PARVB: variants seen among roughly 807,000 people sequenced by gnomAD.
PARVB encodes parvin beta, also known as beta-parvin.
PARVB carries 46 observed loss-of-function variants against 47.0 expected under a neutral mutation model. The observed-to-expected ratio is 0.98, with a 90% CI of 0.77 to 1.25. The LOEUF is 1.25. Among genes scored for constraint, PARVB ranks in the 50% most tolerant of loss-of-function variants. The pLI, the probability that PARVB is intolerant of heterozygous loss-of-function variation, is 0.00. For synonymous variants in PARVB, 196 were observed against 196.3 expected (o/e 1.00, Z 0.01); for missense variants, 473 against 471.6 (o/e 1.00, Z -0.03).
intron 3 of PARVB, chr22:44,112,259 G>C (rs985719435): frequency 6.6e-6 from 1 of 152,214 alleles, no homozygotes; most frequent in Non-Finnish European, 1.5e-5. Flanking sequence ...GTTGGCTTGG[G>C]GTCCGTGGCT....
chr22:44,029,264 C>T (rs533773978), intron 1 of PARVB, among the ~76,000 whole-genome samples: 9 of 152,258 alleles, frequency 5.9e-5, no homozygotes, highest in African/African-American at 1.7e-4. Flanking sequence ...GGATTACATG[C>T]GTGAGCCACA....
chr22:44,128,393 G>T (rs1254832886), intron 4 of PARVB, among the ~76,000 whole-genome samples: 1 of 152,240 alleles, frequency 6.6e-6, no homozygotes, highest in South Asian at 2.1e-4. Flanking sequence ...GTGCTAGGAA[G>T]ATAGGGGTCC....
In PARVB at chr22:44,155,583, T is replaced by C. The variant is rs1034472611; in HGVS notation, c.844-2399T>C. ...CCACCCCAGACCTCCTGGGGAGAGG[T>C]GTGGGTTGGTGCCTTCATTCACGTG... On this transcript the variant is annotated intron_variant, in intron 10 of 12. Coordinates refer to ENST00000338758, the MANE Select transcript of PARVB (RefSeq NM_013327.5). The surrounding 1 kb of genome is among the most constrained non-coding windows in gnomAD (Gnocchi z 4.8). Among the ~76,000 whole-genome samples the C allele has an allele frequency of 2.6e-5, 4 of 151,306 alleles. No homozygotes were observed. Among genetic ancestry groups the C allele is most frequent in the African/African-American group, 9.7e-5 (4 of 41,158 alleles).
chr22:44,024,244 C>A (rs1402768732), upstream of PARVB: 21 of 511,698 alleles, frequency 4.1e-5, no homozygotes, highest in Non-Finnish European at 4.8e-5. Context: ...GGGACCGGGG[C>A]GGGGGCCGGC....
At chr22:44,026,089 C>A (rs974550076) in intron 1 of PARVB, among the ~76,000 whole-genome samples, 4 of 152,178 alleles carry the variant, frequency 2.6e-5, no homozygotes, top group African/African-American at 9.7e-5. Flanking sequence ...GGCAAGGAAC[C>A]GGAATGTTCT....
intron 1 of PARVB, among the ~76,000 whole-genome samples, chr22:44,058,775 G>A (rs775390470): frequency 4.0e-5 from 6 of 151,860 alleles, no homozygotes; most frequent in Admixed American, 1.3e-4. Context: ...GGGTGGTCTT[G>A]AACCCCTGAG....
intron 4 of PARVB, among the ~76,000 whole-genome samples, chr22:44,124,507 C>T (rs1284802470): frequency 6.6e-6 from 1 of 152,108 alleles, no homozygotes; most frequent in Admixed American, 6.5e-5. Flanking sequence ...CCTGGAGGGT[C>T]ACTCCCACAG....
intron 1 of PARVB, among the ~76,000 whole-genome samples, chr22:44,030,535 G>T (rs6006626): frequency 0.013 from 1,921 of 152,248 alleles, 27 homozygotes; most frequent in African/African-American, 0.031. Context: ...CTTGGCAGGG[G>T]TGGCCGATTT....
upstream of PARVB, among the ~76,000 whole-genome samples, chr22:44,021,243 G>A (rs114494155): frequency 0.011 from 1,641 of 152,318 alleles, 32 homozygotes; most frequent in African/African-American, 0.038. Context: ...CCTCCTGGGC[G>A]GGAGGCTGGA....
At chr22:44,116,929 G>A (rs573113400) in intron 3 of PARVB, among the ~76,000 whole-genome samples, 3 of 152,278 alleles carry the variant, frequency 2.0e-5, no homozygotes, top group East Asian at 1.9e-4. Context: ...GGCTGTGGCT[G>A]TGGCCCAGGG....
chr22:44,152,730 G>T (rs1006978259), intron 10 of PARVB: 3 of 152,160 alleles, frequency 2.0e-5, no homozygotes, highest in African/African-American at 7.2e-5. Context: ...CACTCCGAGA[G>T]CATTAAAGAC....
intron 8 of PARVB, chr22:44,140,671 T>C: frequency 2.0e-6 from 1 of 501,174 alleles, no homozygotes; most frequent in South Asian, 1.4e-5. Context: ...TCCTCATCCG[T>C]GAAATGGGAG....
chr22:44,087,404 C>A (rs1260711160), intron 1 of PARVB, among the ~76,000 whole-genome samples: 1 of 152,214 alleles, frequency 6.6e-6, no homozygotes, highest in African/African-American at 2.4e-5. Flanking sequence ...CTCCATTGGG[C>A]CTTTGTGTCT....
intron 1 of PARVB, among the ~76,000 whole-genome samples, chr22:44,055,160 G>A (rs920519507): frequency 3.3e-5 from 5 of 151,958 alleles, no homozygotes; most frequent in African/African-American, 9.7e-5. Context: ...AAGTACCCAC[G>A]TTCCTGCTAT....
At chr22:44,157,314 C>G (rs2053957250) in intron 10 of PARVB, among the ~76,000 whole-genome samples, 1 of 152,210 alleles carries the variant, frequency 6.6e-6, no homozygotes, top group Non-Finnish European at 1.5e-5. Context: ...CTCGCTGTGT[C>G]TTCACGACAG....
intron 11 of PARVB, among the ~76,000 whole-genome samples, chr22:44,159,729 C>T (rs770295495): frequency 4.3e-4 from 66 of 152,154 alleles, no homozygotes; most frequent in Non-Finnish European, 5.4e-4. Context: ...TTGTAGTCTT[C>T]GTGAATCCTG....
chr22:44,085,437 T>G (rs925039738), intron 1 of PARVB, among the ~76,000 whole-genome samples: 2 of 152,176 alleles, frequency 1.3e-5, no homozygotes, highest in Non-Finnish European at 2.9e-5. Flanking sequence ...CCTGGGTAGC[T>G]GGGACTACAG....
At chr22:44,022,058 C>T (rs945096557), upstream of PARVB, among the ~76,000 whole-genome samples, 3 of 152,116 alleles carry the variant, frequency 2.0e-5, no homozygotes, top group Non-Finnish European at 2.9e-5. Context: ...TTACAGCCCA[C>T]TCTGGTGACT....
chr22:44,119,831 G>T (rs742550), intron 4 of PARVB: 1 of 532,380 alleles, frequency 1.9e-6, no homozygotes, highest in East Asian at 5.4e-5. Context: ...CGGAGATGCC[G>T]CAGGTTCTGA....
Sources: allele counts gnomAD v4.1 joint callset (sites outside exome capture counted in the v4.1 genomes callset), GRCh38; gene constraint gnomAD v4.1.1; non-coding constraint Gnocchi (gnomAD v3.1); transcripts MANE v1.5; gene names NCBI Gene and HGNC (gene_info 2026-07-23, HGNC 2026-07-21).